The following ZFHX3 variants were observed in gnomAD, a reference collection of about 807,000 sequenced individuals.
The protein encoded by ZFHX3 is zinc finger homeobox 3, also known as zinc finger homeobox protein 3.
In ZFHX3, 42 loss-of-function variants were observed where a neutral mutation model predicts 279.1. The ratio of observed to expected loss-of-function variants is 0.15; its 90% CI spans 0.12 to 0.19. The LOEUF is 0.19. Ranked by LOEUF, ZFHX3 falls within the 10% of genes least tolerant of loss-of-function variation. ZFHX3 has a pLI of 1.00. For missense variants in ZFHX3, 4,981 were observed against 4,754.0 expected, an observed-to-expected ratio of 1.05 and a Z score of -1.40; for synonymous variants, 2,293 against 1,957.8, an observed-to-expected ratio of 1.17 and a Z score of -4.52.
In ZFHX3 at chr16:73,424,602, G is replaced by C. The variant is rs116176483; in HGVS notation, c.-1291+31401C>G. ...TCTACAAAAAATGAAAAATTGGTGA[G>C]GCATGGTGAGGCATGGTGGTCCATG... is the stretch of plus-strand genomic sequence containing the variant. On this transcript the variant is annotated intron_variant, in intron 3 of 17. Coordinates refer to the ZFHX3 transcript ENST00000641206. 3.1e-3 allele frequency among the ~76,000 whole-genome samples: 475 copies of C among 151,796 alleles called. 3 individuals are homozygous for C. Among genetic ancestry groups the C allele is most frequent in the African/African-American group, 0.011 (457 of 41,414 alleles).
Position 73,182,797 on chromosome 16 carries a change from A to G in ZFHX3, c.-1103-38966T>C, listed in dbSNP as rs983239205. 6.6e-5 allele frequency among the ~76,000 whole-genome samples: 10 copies of G among 151,376 alleles called. 1 individual carries two copies. The highest frequency in any genetic ancestry group is 5.3e-4 in the Admixed American group (8 of 15,164). The stretch of plus-strand genomic sequence containing the variant: ...AAATAGCTGAAAAACAGAAAGTCCA[A>G]TACTGCATGCTCTCACTTCTAAGTG... On this transcript the variant is annotated intron_variant, in intron 5 of 17. Transcript: ENST00000641206.
intron 4 of ZFHX3, among the ~76,000 whole-genome samples, chr16:73,261,100 T>C (rs572789351): frequency 5.3e-5 from 8 of 152,312 alleles, no homozygotes; most frequent in African/African-American, 1.9e-4. Context: ...TTATATAGGA[T>C]AGCAAAAGAT....
At chr16:73,806,413 G>A (rs370768169) in intron 1 of ZFHX3, among the ~76,000 whole-genome samples, 12 of 152,302 alleles carry the variant, frequency 7.9e-5, no homozygotes, top group South Asian at 6.2e-4. Flanking sequence ...AGATGGAGCC[G>A]GAGTGAGATG....
intron 2 of ZFHX3, among the ~76,000 whole-genome samples, chr16:73,664,049 G>A (rs992693086): frequency 1.2e-4 from 18 of 152,094 alleles, no homozygotes; most frequent in Admixed American, 9.2e-4. Context: ...AAAGAGAACT[G>A]AATATAAAAT....
intron 1 of ZFHX3, among the ~76,000 whole-genome samples, chr16:73,844,905 TGATA>T (rs1243880199): frequency 1.3e-5 from 2 of 151,850 alleles, no homozygotes; most frequent in Non-Finnish European, 2.9e-5. Flanking sequence ...GATGAATAGA[TGATA>T]GATAGCCCTC....
At chr16:72,815,753 G>A (rs1042141899) in intron 5 of ZFHX3, among the ~76,000 whole-genome samples, 3 of 152,300 alleles carry the variant, frequency 2.0e-5, no homozygotes, top group Admixed American at 2.0e-4. Context: ...AAGTGAAATG[G>A]AAATACATGC....
At chr16:73,884,877 C>T (rs1363869638) in intron 1 of ZFHX3, among the ~76,000 whole-genome samples, 1 of 152,174 alleles carries the variant, frequency 6.6e-6, no homozygotes, top group Non-Finnish European at 1.5e-5. Context: ...AGAATTAGAA[C>T]TTAATTAGCT....
At chr16:72,862,597 G>A (rs952197172) in intron 4 of ZFHX3, among the ~76,000 whole-genome samples, 2 of 152,188 alleles carry the variant, frequency 1.3e-5, no homozygotes, top group African/African-American at 4.8e-5. Context: ...AGTGAGACAT[G>A]TATCTCCTGA....
intron 2 of ZFHX3, among the ~76,000 whole-genome samples, chr16:73,457,148 C>G (rs921394703): frequency 6.6e-6 from 1 of 152,198 alleles, no homozygotes; most frequent in Non-Finnish European, 1.5e-5. Flanking sequence ...CTCCCCCAAC[C>G]AGCATAACCC....
At chr16:72,996,701 G>A (rs139736677) in intron 1 of ZFHX3, among the ~76,000 whole-genome samples, 3 of 152,346 alleles carry the variant, frequency 2.0e-5, no homozygotes, top group Non-Finnish European at 2.9e-5. Context: ...ATCCAACCAC[G>A]GAGTTCTGGC....
intron 3 of ZFHX3, among the ~76,000 whole-genome samples, chr16:73,363,023 T>C (rs2143317200): frequency 6.6e-6 from 1 of 152,378 alleles, no homozygotes; most frequent in South Asian, 2.1e-4. Context: ...TCTATTTCTC[T>C]ATCTGGGATC....
At position 73,523,432 on chromosome 16, in the gene ZFHX3, G is replaced by A. The variant is rs1045227742; in HGVS notation, c.-1546-67174C>T. 3.9e-5 allele frequency among the ~76,000 whole-genome samples: 6 copies of A among 152,116 alleles called. No individual in the cohort carries two copies. The South Asian group carries it at 6.2e-4, about 16-fold the overall frequency. On this transcript the variant is annotated intron_variant, in intron 2 of 17. Coordinates refer to the ZFHX3 transcript ENST00000641206. ...GCCTGCCACCCTAGAGGCGGGGTTG[G>A]TGCTGTCTTCCTGTGCAGGGTGGCC...
Position 72,829,797 on chromosome 16 carries a change from T to C in ZFHX3, c.3511A>G (p.Lys1171Glu). The change falls in exon 5 of 10, where the codon AAG becomes GAG. Residue 1171 changes from lysine (K) to glutamate (E), a missense_variant. Transcript: ENST00000268489. Reference sequence around the variant, plus strand: ...TTCTCACCTCCGCCCTCTTGGTCCTTAGCAAGCTCCTCTGGATCAGCAGCT... The same window carrying C: ...TTCTCACCTCCGCCCTCTTGGTCCTCAGCAAGCTCCTCTGGATCAGCAGCT... Reference protein sequence around the residue: ...ETAADPEELAKDQEGGASSSQ... With the variant: ...ETAADPEELAEDQEGGASSSQ... 1 of 1,614,208 alleles carries C rather than the reference T, an allele frequency of 6.2e-7. No homozygotes were observed. Among genetic ancestry groups the C allele is most frequent in the Non-Finnish European group, 8.5e-7 (1 of 1,180,030 alleles).
chr16:73,788,281 AG>A (rs1282646681), intron 1 of ZFHX3, among the ~76,000 whole-genome samples: 2 of 152,340 alleles, frequency 1.3e-5, no homozygotes, highest in African/African-American at 4.8e-5. Flanking sequence ...AAACCAAAGT[AG>A]AAACTAAATG....
intron 3 of ZFHX3, among the ~76,000 whole-genome samples, chr16:73,371,168 G>T (rs1434292700): frequency 6.6e-6 from 1 of 151,648 alleles, no homozygotes. Flanking sequence ...CTAAAAATAT[G>T]TGGTGGTGCG....
intron 5 of ZFHX3, among the ~76,000 whole-genome samples, chr16:72,823,694 C>A (rs1352456871): frequency 6.6e-6 from 1 of 152,184 alleles, no homozygotes; most frequent in Non-Finnish European, 1.5e-5. Flanking sequence ...CTCCAAGATT[C>A]TATAATGCTC....
At chr16:73,743,251 T>C (rs2053674967) in intron 1 of ZFHX3, among the ~76,000 whole-genome samples, 1 of 152,210 alleles carries the variant, frequency 6.6e-6, no homozygotes, top group Admixed American at 6.5e-5. Flanking sequence ...AGCCAGGCAA[T>C]CTGCTTCACT....
At chr16:73,868,115 G>A (rs573969580) in intron 1 of ZFHX3, among the ~76,000 whole-genome samples, 2 of 152,086 alleles carry the variant, frequency 1.3e-5, no homozygotes, top group Non-Finnish European at 2.9e-5. Flanking sequence ...ATCCCCGTTC[G>A]TTAAATAGCC....
At chr16:73,076,016 A>C (rs1013818024) in intron 8 of ZFHX3, among the ~76,000 whole-genome samples, 5 of 152,214 alleles carry the variant, frequency 3.3e-5, no homozygotes, top group Non-Finnish European at 7.3e-5. Context: ...TGCCACTAAC[A>C]GCTGGATGGC....
Sources: gnomAD v4.1 joint callset for allele counts (sites outside exome capture counted in the v4.1 genomes callset) on GRCh38, gnomAD v4.1.1 for gene constraint, MANE v1.5 for transcripts, NCBI Gene and HGNC (gene_info 2026-07-23, HGNC 2026-07-21) for gene names.